DSCAM: variants seen among roughly 807,000 people sequenced by gnomAD.
DSCAM encodes the protein cell adhesion molecule DSCAM.
Under a neutral mutation model 217.7 loss-of-function variants are expected in DSCAM, and 47 were observed. That is an observed-to-expected ratio of 0.22 (90% confidence interval 0.17 to 0.28). DSCAM has a LOEUF of 0.28. DSCAM is among the 10% of genes least tolerant of loss of function. The pLI is 1.00. For missense variants in DSCAM, 2,080 were observed against 2,618.3 expected (o/e 0.79, Z 4.49); for synonymous variants, 1,056 against 1,015.3 (o/e 1.04, Z -0.76).
chr21:40,745,010 G>C (rs1405360709), intron 1 of DSCAM, among the ~76,000 whole-genome samples: 1 of 151,918 alleles, frequency 6.6e-6, no homozygotes, highest in Non-Finnish European at 1.5e-5. Context: ...TACAATAACT[G>C]AACTTATTGA....
chr21:40,189,328 G>T, intron 11 of DSCAM, 90 bp from the exon 12 acceptor site: 1 of 1,031,020 alleles, frequency 9.7e-7, no homozygotes, highest in Non-Finnish European at 1.3e-6. Context: ...TGCTTCAAGA[G>T]ATATTTCTTC....
intron 3 of DSCAM, among the ~76,000 whole-genome samples, chr21:40,575,978 C>A (rs1445608653): frequency 1.3e-5 from 2 of 152,254 alleles, no homozygotes; most frequent in East Asian, 3.9e-4. Context: ...ATTTAAAATA[C>A]TGTTGGGATG....
At chr21:40,244,920 TCA>T (rs2073202498) in intron 11 of DSCAM, among the ~76,000 whole-genome samples, 1 of 151,566 alleles carries the variant, frequency 6.6e-6, no homozygotes, top group African/African-American at 2.4e-5. Context: ...GAGACAGTGC[TCA>T]TTTCCGCCGA....
intron 3 of DSCAM, among the ~76,000 whole-genome samples, chr21:40,423,860 C>A (rs1453866736): frequency 6.6e-6 from 1 of 152,034 alleles, no homozygotes. Flanking sequence ...TCTTAATGGG[C>A]AGAAATCCAA....
chr21:40,644,867 G>C (rs766312309), intron 3 of DSCAM, among the ~76,000 whole-genome samples: 1 of 152,076 alleles, frequency 6.6e-6, no homozygotes, highest in Non-Finnish European at 1.5e-5. Flanking sequence ...TAAAATCTGA[G>C]GAGATATATA....
intron 15 of DSCAM, among the ~76,000 whole-genome samples, chr21:40,174,894 G>A (rs550605995): frequency 1.3e-5 from 2 of 152,202 alleles, no homozygotes; most frequent in Non-Finnish European, 1.5e-5. Flanking sequence ...AGGATGCGGG[G>A]AGGGCACCTC....
intron 12 of DSCAM, 63 bp from the exon 13 acceptor site, chr21:40,188,050 G>GCT (rs1404474578): frequency 3.1e-6 from 4 of 1,271,108 alleles, no homozygotes; most frequent in Middle Eastern, 2.2e-4. Flanking sequence ...GAGCCGTAAA[G>GCT]CTCTCTCTCT....
intron 3 of DSCAM, among the ~76,000 whole-genome samples, chr21:40,545,951 T>C (rs560366928): frequency 6.6e-6 from 1 of 152,174 alleles, no homozygotes; most frequent in South Asian, 2.1e-4. Context: ...CCTTGGTGGG[T>C]TTCCAGCCTT....
Position 40,179,015 on chromosome 21 carries a change from G to C in DSCAM, c.2859C>G (p.Ser953=), listed in dbSNP as rs770588177. 3.1e-6 allele frequency: 5 copies of C among 1,614,074 alleles called. No individual in the cohort carries two copies. In the South Asian group the frequency reaches 5.5e-5, roughly 18 times the overall value. Residue 953 remains serine, a synonymous_variant, in exon 15 of 33, where the codon TCC becomes TCG. Transcript: ENST00000400454. ...CGTACATGCGGATGCTGTAGGTGGA[G>C]GAAGGGTGGATATCAATGATGGTGG... is the stretch of plus-strand genomic sequence containing the variant. The part of the protein sequence containing the change: ...NSATIIDIHP[S]STYSIRMYAK...
intron 28 of DSCAM, among the ~76,000 whole-genome samples, chr21:40,056,544 TA>T (rs5843996): frequency 0.27 from 40,081 of 149,950 alleles, 5,721 homozygotes; most frequent in African/African-American, 0.35. Flanking sequence ...AGCCTGCAGT[TA>T]AAAAAAAAAC....
At chr21:40,402,969 A>ACCC (rs58917326) in intron 3 of DSCAM, among the ~76,000 whole-genome samples, 224 of 149,758 alleles carry the variant, frequency 1.5e-3, no homozygotes, top group African/African-American at 5.3e-3. Context: ...GCAAGATTAT[A>ACCC]CCCCCCCACC....
At chr21:40,254,207 A>C (rs1283525848) in intron 11 of DSCAM, among the ~76,000 whole-genome samples, 1 of 152,224 alleles carries the variant, frequency 6.6e-6, no homozygotes, top group Admixed American at 6.5e-5. Context: ...TAAATGACAG[A>C]GCCTTTGTTT....
chr21:40,345,578 C>T (rs1192353938), intron 6 of DSCAM, among the ~76,000 whole-genome samples: 1 of 151,982 alleles, frequency 6.6e-6, no homozygotes, highest in African/African-American at 2.4e-5. Context: ...TATTAAATTC[C>T]ATTTTATAGC....
At chr21:40,343,516 A>AT in intron 6 of DSCAM, among the ~76,000 whole-genome samples, 1 of 152,124 alleles carries the variant, frequency 6.6e-6, no homozygotes, top group Non-Finnish European at 1.5e-5. Context: ...TCATCAAATG[A>AT]TTTTTTCTGT....
At chr21:40,111,076 T>C (rs2089893325) in intron 20 of DSCAM, among the ~76,000 whole-genome samples, 1 of 152,134 alleles carries the variant, frequency 6.6e-6, no homozygotes, top group Admixed American at 6.5e-5. Flanking sequence ...ACCATAAAGA[T>C]ACTCCTTGAG....
Position 40,085,523 on chromosome 21 carries a change from A to G in DSCAM, c.4132+79T>C, listed in dbSNP as rs936336617. ...TAGCTCTTTATAAGGGCTGATTTTAAAATTTGTTCAGTGCTACTTTTTGCA... is the reference window on the plus strand; with the variant it reads ...TAGCTCTTTATAAGGGCTGATTTTAGAATTTGTTCAGTGCTACTTTTTGCA... On this transcript the variant is annotated intron_variant, in intron 23 of 32. Coordinates refer to ENST00000400454, the MANE Select transcript of DSCAM (RefSeq NM_001389.5). The G allele has an allele frequency of 6.3e-6, 8 of 1,277,186 alleles. No individual in the cohort carries two copies. The African/African-American group carries it at 9.1e-5, about 15-fold the overall frequency. 79.1% of individuals were successfully genotyped at this position (1,277,186 alleles called of 1,614,324 possible).
intron 8 of DSCAM, among the ~76,000 whole-genome samples, chr21:40,330,688 G>T (rs2074369193): frequency 6.6e-6 from 1 of 151,954 alleles, no homozygotes; most frequent in African/African-American, 2.4e-5. Context: ...TAAACCCCCA[G>T]GGTAGCTGAG....
chr21:40,352,638 T>A (rs1030172156), intron 5 of DSCAM, among the ~76,000 whole-genome samples: 5 of 152,168 alleles, frequency 3.3e-5, no homozygotes, highest in African/African-American at 2.4e-5. Flanking sequence ...GTGGTTAAAT[T>A]TGTTCAATTT....
Position 40,144,038 on chromosome 21 carries a change from T to C in DSCAM, c.3259+453A>G, listed in dbSNP as rs895295067. 6.6e-6 allele frequency among the ~76,000 whole-genome samples: 1 copy of C among 152,184 alleles called. No homozygotes were observed. The highest frequency in any genetic ancestry group is 1.5e-5 in the Non-Finnish European group (1 of 68,034). ...ATCTCGGCCGCTAGGGGGCGATCGATCACTGTGCAATCTGAAAATTCCTTT... is the reference window on the plus strand; with the variant it reads ...ATCTCGGCCGCTAGGGGGCGATCGACCACTGTGCAATCTGAAAATTCCTTT... On this transcript the variant is annotated intron_variant, in intron 17 of 32. Coordinates refer to ENST00000400454, the MANE Select transcript of DSCAM (RefSeq NM_001389.5). This position sits in a 1 kb window ranked among gnomAD's most constrained non-coding sequence, Gnocchi z 4.8.
Sources: gnomAD v4.1 joint callset for allele counts (sites outside exome capture counted in the v4.1 genomes callset) on GRCh38, gnomAD v4.1.1 for gene constraint, Gnocchi (gnomAD v3.1) non-coding constraint, MANE v1.5 for transcripts, NCBI Gene and HGNC (gene_info 2026-07-23, HGNC 2026-07-21) for gene names.